UGT1A7: variants seen among roughly 807,000 people sequenced by gnomAD.
The protein encoded by UGT1A7 is UDP-glucuronosyltransferase 1A7.
A neutral mutation model predicts 45.6 loss-of-function variants in UGT1A7; 33 were observed. The observed-to-expected ratio is 0.72, with a 90% CI of 0.55 to 0.97. UGT1A7 has a LOEUF of 0.97. UGT1A7 is among the 50% of genes least tolerant of loss of function. The probability of loss-of-function intolerance (pLI) is 0.00; values close to 1 mark genes in which losing one functional copy is unlikely to be tolerated. For missense variants in UGT1A7, 684 were observed against 666.2 expected, an observed-to-expected ratio of 1.03 and a Z score of -0.29; for synonymous variants, 274 against 250.6, an observed-to-expected ratio of 1.09 and a Z score of -0.88.
At chr2:233,714,116 G>A (rs869462) in intron 1 of UGT1A7, among the ~76,000 whole-genome samples, 2 of 152,116 alleles carry the variant, frequency 1.3e-5, no homozygotes, top group African/African-American at 2.4e-5. Flanking sequence ...TGTGACTCAC[G>A]GAGACTGTTC....
rs1159793731 is a variant in UGT1A7, at chr2:233,751,025, T to C, written c.856-16009T>C. Reference sequence around the variant, plus strand: ...CCAGAATCCCAAATAGTAGATCCAATAGCTTGCACTGTGTGCCTGGAAAAG... The same window carrying C: ...CCAGAATCCCAAATAGTAGATCCAACAGCTTGCACTGTGTGCCTGGAAAAG... On this transcript the variant is annotated intron_variant, in intron 1 of 4. Transcript: ENST00000373426. 8.6e-5 allele frequency among the ~76,000 whole-genome samples: 13 copies of C among 151,868 alleles called. 1 individual carries two copies. Among genetic ancestry groups the C allele is most frequent in the African/African-American group, 2.2e-4 (9 of 41,208 alleles).
chr2:233,731,662 A>G (rs2078189786), intron 1 of UGT1A7, among the ~76,000 whole-genome samples: 1 of 151,984 alleles, frequency 6.6e-6, no homozygotes, highest in African/African-American at 2.4e-5. Flanking sequence ...TATGTGCCAC[A>G]TTTTCTTAAT....
chr2:233,722,513 C>T (rs940650282), intron 1 of UGT1A7, among the ~76,000 whole-genome samples: 2 of 152,128 alleles, frequency 1.3e-5, no homozygotes, highest in Non-Finnish European at 2.9e-5. Flanking sequence ...TTAATTGCAG[C>T]TTATTTTTGC....
chr2:233,712,396 A>C (rs750718186), intron 1 of UGT1A7, among the ~76,000 whole-genome samples: 10 of 152,180 alleles, frequency 6.6e-5, no homozygotes, highest in Non-Finnish European at 1.0e-4. Context: ...CACTTCAGAG[A>C]GAGTCCTCTT....
chr2:233,769,434 T>A lies in UGT1A7; in HGVS notation c.1295+995T>A. ...GCGTTTGTGCATGTGGCTGTGCTCA[T>A]GTGTGGGTGCACACGTGTGCATTCA... is the stretch of plus-strand genomic sequence containing the variant. On this transcript the variant is annotated intron_variant, in intron 4 of 4. Coordinates refer to ENST00000373426, the MANE Select transcript of UGT1A7 (RefSeq NM_019077.3). The surrounding 1 kb of genome is among the most constrained non-coding windows in gnomAD (Gnocchi z 4.4). 1 of 1,542,192 alleles carries A rather than the reference T, an allele frequency of 6.5e-7. No individual in the cohort carries two copies.
chr2:233,739,043 G>A (rs1411881573), intron 1 of UGT1A7: 2 of 152,288 alleles, frequency 1.3e-5, no homozygotes, highest in African/African-American at 4.8e-5. Flanking sequence ...CCAAGGTAGA[G>A]CTCAGGCCAT....
At chr2:233,747,780 C>T (rs1371324079) in intron 1 of UGT1A7, 2 of 1,613,384 alleles carry the variant, frequency 1.2e-6, no homozygotes, top group Non-Finnish European at 1.7e-6. Flanking sequence ...GTGTCCAAAT[C>T]CTTCCTCCTA....
At chr2:233,728,691 G>A (rs2077742456) in intron 1 of UGT1A7, among the ~76,000 whole-genome samples, 1 of 152,170 alleles carries the variant, frequency 6.6e-6, no homozygotes, top group South Asian at 2.1e-4. Flanking sequence ...AAGTTTCAAG[G>A]GTTAGCAAAT....
chr2:233,690,380 C>A, intron 1 of UGT1A7: 1 of 988,558 alleles, frequency 1.0e-6, no homozygotes, highest in Non-Finnish European at 1.4e-6. Flanking sequence ...ATAGGGTCCA[C>A]GTTTCCAGAC....
At chr2:233,730,021 A>G (rs1183209625) in intron 1 of UGT1A7, 7 of 1,613,586 alleles carry the variant, frequency 4.3e-6, no homozygotes, top group Non-Finnish European at 5.9e-6. Flanking sequence ...CATCCAATCA[A>G]TGTTCCAGGC....
At chr2:233,770,445 G>A (rs1397015735) in intron 4 of UGT1A7, 1 of 152,118 alleles carries the variant, frequency 6.6e-6, no homozygotes, top group Middle Eastern at 3.2e-3. Flanking sequence ...CTTGAGGTTA[G>A]GAGTTCGAAA....
chr2:233,752,978 A>G (rs961719654), intron 1 of UGT1A7, among the ~76,000 whole-genome samples: 31 of 152,180 alleles, frequency 2.0e-4, no homozygotes, highest in Middle Eastern at 3.2e-3. Flanking sequence ...AATTGTGTAG[A>G]TACAAACCCA....
intron 1 of UGT1A7, chr2:233,747,317 C>G (rs1693621647): frequency 6.2e-7 from 1 of 1,603,094 alleles, no homozygotes; most frequent in African/African-American, 1.3e-5. Context: ...CTGGTGGTAC[C>G]CATTGATGGC....
intron 1 of UGT1A7, chr2:233,691,718 G>C: frequency 1.1e-6 from 1 of 898,996 alleles, no homozygotes; most frequent in Non-Finnish European, 1.3e-6. Flanking sequence ...CTGGCAGATG[G>C]GTGGCTGGGC....
rs750178604 is a variant in UGT1A7 at position 233,693,312 on chromosome 2, C to A, written c.855+10520C>A. The A allele has an allele frequency of 2.6e-5, 42 of 1,614,058 alleles. No homozygotes were observed. In the East Asian group the frequency reaches 8.7e-4, roughly 33 times the overall value. On this transcript the variant is annotated intron_variant, in intron 1 of 4. Transcript: ENST00000373426. The stretch of plus-strand genomic sequence containing the variant: ...GGAAACAATCACTTTGCTGAGCGAT[C>A]ATTCCTAACTGCTCCTCAGACAGAG...
At chr2:233,734,411 C>T (rs1003514733) in intron 1 of UGT1A7, among the ~76,000 whole-genome samples, 1 of 152,010 alleles carries the variant, frequency 6.6e-6, no homozygotes, top group Admixed American at 6.6e-5. Context: ...TGATTCTTCT[C>T]TCTTTTCTTC....
chr2:233,682,442 GC>G lies in UGT1A7; in HGVS notation c.507del (p.Arg170GlyfsTer26). 1 of 1,613,664 alleles carries G rather than the reference GC, an allele frequency of 6.2e-7. No individual in the cohort carries two copies. The highest frequency in any genetic ancestry group is 8.5e-7 in the Non-Finnish European group (1 of 1,179,810). On this transcript the variant is annotated frameshift_variant, in exon 1 of 5. Coordinates refer to ENST00000373426, the MANE Select transcript of UGT1A7 (RefSeq NM_019077.3). LOFTEE classifies it high-confidence loss of function. Reference protein sequence around the residue: ...KYFSLPSVVFARGIFCHYLEE... With the variant: ...KYFSLPSVVFXRGIFCHYLEE... ...TTTCTCCCTCCCCTCTGTGGTCTTC[GC>G]CAGGGGAATATTTTGCCACTATCTT...
rs558234193 is a variant in UGT1A7 at position 233,719,553 on chromosome 2, G to C, written c.855+36761G>C. 7.4e-6 allele frequency: 12 copies of C among 1,613,960 alleles called. No homozygotes were observed. In the South Asian group the frequency reaches 1.2e-4, roughly 16 times the overall value. On this transcript the variant is annotated intron_variant, in intron 1 of 4. Coordinates refer to ENST00000373426, the MANE Select transcript of UGT1A7 (RefSeq NM_019077.3). ...TGAGCTTTTTCAGAGAGAGGTGTCA[G>C]TGGTGGATCTTGTCAGCTATGCATC...
In UGT1A7 at chr2:233,761,002, CAG is replaced by C. The variant is rs797046091; in HGVS notation, c.856-6025_856-6024del. On this transcript the variant is annotated intron_variant, in intron 1 of 4. Coordinates refer to ENST00000373426, the MANE Select transcript of UGT1A7 (RefSeq NM_019077.3). The stretch of plus-strand genomic sequence containing the variant: ...TGCAACCCTTGCCTCAGAATTCCTT[CAG>C]AGAGAGGTGACTGTCCAGGACCTAT... The C allele has an allele frequency of 1.5e-5, 25 of 1,614,060 alleles. No individual in the cohort carries two copies. Among genetic ancestry groups the C allele is most frequent in the Non-Finnish European group, 2.0e-5 (24 of 1,180,054 alleles).
Sources: gnomAD v4.1 joint callset for allele counts (sites outside exome capture counted in the v4.1 genomes callset) on GRCh38, gnomAD v4.1.1 for gene constraint, Gnocchi (gnomAD v3.1) non-coding constraint, MANE v1.5 for transcripts, NCBI Gene and HGNC (gene_info 2026-07-23, HGNC 2026-07-21) for gene names.